TEAD1: variants seen among roughly 807,000 people sequenced by gnomAD.
TEAD1 encodes transcriptional enhancer factor TEF-1.
Under a neutral mutation model 54.9 loss-of-function variants are expected in TEAD1, and 9 were observed. The observed-to-expected ratio is 0.16, with a 90% CI of 0.10 to 0.29. The LOEUF is 0.29. TEAD1 is among the 10% of genes least tolerant of loss of function. TEAD1 has a pLI of 1.00. For missense variants in TEAD1, 387 were observed against 535.9 expected (o/e 0.72, Z 2.74); for synonymous variants, 200 against 187.8 (o/e 1.07, Z -0.53).
At chr11:12,841,230 A>G (rs764348333) in intron 3 of TEAD1, among the ~76,000 whole-genome samples, 24 of 152,168 alleles carry the variant, frequency 1.6e-4, no homozygotes, top group Admixed American at 3.9e-4. Context: ...CTTATACACC[A>G]TGGATAGAAT....
intron 5 of TEAD1, among the ~76,000 whole-genome samples, chr11:12,875,757 C>T (rs117587599): frequency 0.012 from 1,831 of 152,294 alleles, 21 homozygotes; most frequent in Non-Finnish European, 0.02. Context: ...CTACACTTAG[C>T]TTTCTATTAG....
chr11:12,812,029 T>G (rs771789892), intron 3 of TEAD1, among the ~76,000 whole-genome samples: 2 of 152,114 alleles, frequency 1.3e-5, no homozygotes. Flanking sequence ...CACTATTTAG[T>G]TGCCTATACT....
chr11:12,860,978 G>A lies in TEAD1; in HGVS notation c.203-1272G>A, dbSNP rs562545160. ...AGGCTGGTGAAGCACATGAGTGAAT[G>A]CCACAGCAGCAAGCTTCAGACTTGT... On this transcript the variant is annotated intron_variant, in intron 3 of 12. Transcript: ENST00000527636. 9.8e-5 allele frequency among the ~76,000 whole-genome samples: 15 copies of A among 152,320 alleles called. No individual in the cohort carries two copies. In the South Asian group the frequency reaches 2.7e-3, roughly 27 times the overall value.
At chr11:12,867,272 A>T (rs1028703694) in intron 5 of TEAD1, among the ~76,000 whole-genome samples, 1 of 152,196 alleles carries the variant, frequency 6.6e-6, no homozygotes, top group African/African-American at 2.4e-5. Context: ...CACTGTACCT[A>T]AACTGTCACC....
chr11:12,880,119 C>T (rs1050969454), intron 6 of TEAD1, among the ~76,000 whole-genome samples: 4 of 152,106 alleles, frequency 2.6e-5, no homozygotes, highest in African/African-American at 7.2e-5. Context: ...GGAAGGAATT[C>T]TGAGTCCCTG....
intron 2 of TEAD1, among the ~76,000 whole-genome samples, chr11:12,698,022 CAA>C (rs1409217799): frequency 2.6e-4 from 16 of 61,148 alleles, no homozygotes; most frequent in Non-Finnish European, 2.7e-4. Flanking sequence ...AACTCCGTCT[CAA>C]AAAAAAAAAA....
intron 9 of TEAD1, 57 bp from the exon 10 acceptor site, chr11:12,901,883 G>A: frequency 1.9e-6 from 3 of 1,608,342 alleles, no homozygotes; most frequent in Non-Finnish European, 2.6e-6. Flanking sequence ...CAAGATGGAT[G>A]AGTTCCAGGT....
rs528820319 is a variant in TEAD1, at chr11:12,887,152, G to A, written c.699+4027G>A. Among the ~76,000 whole-genome samples the A allele has an allele frequency of 5.4e-5, 8 of 148,472 alleles. No individual in the cohort carries two copies. In the South Asian group the frequency reaches 1.5e-3, roughly 28 times the overall value. On this transcript the variant is annotated intron_variant, in intron 9 of 12. Transcript: ENST00000527636. Reference sequence around the variant, plus strand: ...TGCTCTGTCACTCAGGCTGGAGTGCGGTGGCGCGATCTTGGCTCACTGCAA... The same window carrying A: ...TGCTCTGTCACTCAGGCTGGAGTGCAGTGGCGCGATCTTGGCTCACTGCAA...
chr11:12,732,080 A>AT lies in TEAD1; in HGVS notation c.-54-32088dup, dbSNP rs936984051. ...TTCTCCATCCTATACTTGTGAGTTGATTTTTTTTTTTCAGCCCTAAGTGCA... is the reference window on the plus strand; with the variant it reads ...TTCTCCATCCTATACTTGTGAGTTGATTTTTTTTTTTTCAGCCCTAAGTGCA... On this transcript the variant is annotated intron_variant, in intron 2 of 12. Transcript: ENST00000527636. Among the ~76,000 whole-genome samples the AT allele has an allele frequency of 5.8e-4, 86 of 147,694 alleles. 1 individual carries two copies. Among genetic ancestry groups the AT allele is most frequent in the African/African-American group, 1.6e-3 (66 of 40,286 alleles).
intron 3 of TEAD1, among the ~76,000 whole-genome samples, chr11:12,841,418 C>T (rs773480805): frequency 2.0e-5 from 3 of 152,170 alleles, no homozygotes; most frequent in Non-Finnish European, 4.4e-5. Context: ...GAAGTGTGTT[C>T]GCTGCCTTAG....
At chr11:12,714,503 A>G (rs1412181669) in intron 2 of TEAD1, among the ~76,000 whole-genome samples, 1 of 152,258 alleles carries the variant, frequency 6.6e-6, no homozygotes, top group Admixed American at 6.5e-5. Flanking sequence ...AGGTTTCACC[A>G]TGTTGTTTTG....
intron 10 of TEAD1, among the ~76,000 whole-genome samples, chr11:12,921,857 A>G (rs1441352308): frequency 2.6e-5 from 4 of 152,286 alleles, no homozygotes; most frequent in Admixed American, 2.6e-4. Flanking sequence ...AAAGACATGC[A>G]TGATTTCCTG....
intron 2 of TEAD1, among the ~76,000 whole-genome samples, chr11:12,749,407 G>A (rs913220419): frequency 6.6e-6 from 1 of 152,196 alleles, no homozygotes; most frequent in African/African-American, 2.4e-5. Flanking sequence ...CCCCCTGCCT[G>A]ACACTCCGTC....
intron 10 of TEAD1, among the ~76,000 whole-genome samples, chr11:12,917,634 T>C (rs1049941583): frequency 2.0e-5 from 3 of 152,198 alleles, no homozygotes; most frequent in African/African-American, 7.2e-5. Flanking sequence ...TTGAAGTGAT[T>C]TTCCTGTGTC....
At chr11:12,821,961 C>CTTTTTTTTTTTTTTTTTTGTTTTTTTTT (rs1946557281) in intron 3 of TEAD1, among the ~76,000 whole-genome samples, 1 of 68,084 alleles carries the variant, frequency 1.5e-5, no homozygotes, top group African/African-American at 6.3e-5. Flanking sequence ...TTCTCTTTTC[C>CTTTTTTTTTTTTTTTTTTGTTTTTTTTT]TTTTTTTTTT....
At chr11:12,725,559 T>C (rs964164349) in intron 2 of TEAD1, among the ~76,000 whole-genome samples, 1 of 152,138 alleles carries the variant, frequency 6.6e-6, no homozygotes, top group Non-Finnish European at 1.5e-5. Flanking sequence ...ATTCCATGCA[T>C]GTAACAAAAT....
chr11:12,874,545 C>G (rs932697647), intron 5 of TEAD1, among the ~76,000 whole-genome samples: 19 of 152,174 alleles, frequency 1.2e-4, no homozygotes, highest in African/African-American at 4.1e-4. Context: ...TTACTTAGAA[C>G]AATAACAATT....
At chr11:12,796,095 A>G (rs1945913288) in intron 3 of TEAD1, among the ~76,000 whole-genome samples, 1 of 152,060 alleles carries the variant, frequency 6.6e-6, no homozygotes, top group South Asian at 2.1e-4. Flanking sequence ...CTGGGCCAGG[A>G]GGGGGGCTAG....
At chr11:12,809,535 C>T (rs2133985967) in intron 3 of TEAD1, among the ~76,000 whole-genome samples, 1 of 152,252 alleles carries the variant, frequency 6.6e-6, no homozygotes. Context: ...TACACACCCC[C>T]AGATCAAAGA....
Sources: allele counts gnomAD v4.1 joint callset (sites outside exome capture counted in the v4.1 genomes callset), GRCh38; gene constraint gnomAD v4.1.1; transcripts MANE v1.5; gene names NCBI Gene and HGNC (gene_info 2026-07-23, HGNC 2026-07-21).